PM20D1: variants seen among roughly 807,000 people sequenced by gnomAD.
PM20D1 encodes peptidase M20 domain containing 1.
PM20D1 carries 53 observed loss-of-function variants against 53.8 expected under a neutral mutation model. The observed-to-expected ratio is 0.98, with a 90% CI of 0.79 to 1.24. PM20D1 has a LOEUF of 1.24. Ranked by LOEUF, PM20D1 falls within the 50% of genes most tolerant of loss-of-function variation. The probability of loss-of-function intolerance (pLI) is 0.00; values close to 1 mark genes in which losing one functional copy is unlikely to be tolerated. For synonymous variants in PM20D1, 239 were observed against 241.3 expected, an observed-to-expected ratio of 0.99 and a Z score of 0.09; for missense variants, 564 against 616.8, an observed-to-expected ratio of 0.91 and a Z score of 0.91.
chr1:205,831,639 C>T (rs539518789), intron 11 of PM20D1, among the ~76,000 whole-genome samples: 130 of 149,864 alleles, frequency 8.7e-4, no homozygotes, highest in African/African-American at 3.1e-3. Flanking sequence ...TCTCGGCTTA[C>T]TGCAACCTCT....
chr1:205,828,927 A>G (rs920469814), intron 12 of PM20D1, among the ~76,000 whole-genome samples, 184 bp from the exon 13 acceptor site: 1 of 152,232 alleles, frequency 6.6e-6, no homozygotes, highest in African/African-American at 2.4e-5. Flanking sequence ...GTCGTTTCTC[A>G]GGGATCCATC....
Position 205,832,634 on chromosome 1 carries a change from G to A in PM20D1, c.1249C>T (p.Gln417Ter). ...LGYQLLRQTVQSVFPEVNITA... is the reference protein window; with the variant it reads ...LGYQLLRQTV ...ATATTGACTTCCGGGAAGACGGACT[G>A]TACGGTCTGGCGGAGCAGCTGGTAG... The change falls in exon 11 of 13, where the codon CAG becomes TAG. Residue 417 changes from glutamine to a stop codon, truncating the protein, a stop_gained. Transcript: ENST00000367136. LOFTEE classifies it high-confidence loss of function. 1.2e-6 allele frequency: 2 copies of A among 1,614,172 alleles called. No individual in the cohort carries two copies. Among genetic ancestry groups the A allele is most frequent in the South Asian group, 1.1e-5 (1 of 91,084 alleles).
intron 11 of PM20D1, 30 bp from the exon 12 acceptor site, chr1:205,830,409 C>A (rs762217510): frequency 6.6e-7 from 1 of 1,503,876 alleles, no homozygotes; most frequent in Non-Finnish European, 9.3e-7. Flanking sequence ...AGGAAAGGGG[C>A]TTTACATGAG....
In PM20D1 at chr1:205,849,982, C is replaced by G. The variant is rs142439282; in HGVS notation, c.91G>C (p.Gly31Arg). ...ATTCGCGACGCCCTTTGATGCTCCC[C>G]GCTCCTCGGGCCCATCGATCTGGAG... ...TVSRSMGPRS[G>R]EHQRASRIPS... Residue 31 changes from glycine (G) to arginine (R), a missense_variant, in exon 1 of 13, where the codon GGG becomes CGG. Coordinates refer to ENST00000367136, the MANE Select transcript of PM20D1 (RefSeq NM_152491.5). 4.8e-4 allele frequency: 778 copies of G among 1,614,132 alleles called. 18 individuals carry two copies. The South Asian group carries it at 6.9e-3, about 14-fold the overall frequency.
intron 12 of PM20D1, among the ~76,000 whole-genome samples, chr1:205,829,630 A>G (rs911753393): frequency 6.6e-6 from 1 of 152,226 alleles, no homozygotes; most frequent in Non-Finnish European, 1.5e-5. Context: ...TTTAAAAAAC[A>G]AAAACATGAA....
chr1:205,847,962 T>C lies in PM20D1; in HGVS notation c.179A>G (p.Gln60Arg). Residue 60 changes from glutamine (Q) to arginine (R), a missense_variant, in exon 2 of 13, where the codon CAG becomes CGG. Coordinates refer to ENST00000367136, the MANE Select transcript of PM20D1 (RefSeq NM_152491.5). The part of the protein sequence containing the change: ...AMKEALKGAI[Q>R]IPTVTFSSEK... Reference sequence around the variant, plus strand: ...AGAGCTAAAAGTCACTGTTGGAATCTGGATGGCACCTGTCAGAGTCAAATA... The same window carrying C: ...AGAGCTAAAAGTCACTGTTGGAATCCGGATGGCACCTGTCAGAGTCAAATA... The C allele has an allele frequency of 6.2e-7, 1 of 1,601,960 alleles. No homozygotes were observed. Among genetic ancestry groups the C allele is most frequent in the Non-Finnish European group, 8.5e-7 (1 of 1,173,514 alleles).
chr1:205,830,039 A>T (rs771630746), intron 12 of PM20D1: 2 of 411,268 alleles, frequency 4.9e-6, no homozygotes, highest in African/African-American at 4.0e-5. Context: ...GTTCTCCCCA[A>T]TCACCCAATT....
chr1:205,832,693 AG>A lies in PM20D1; in HGVS notation c.1189del (p.Leu397SerfsTer83). 6.2e-7 allele frequency: 1 copy of A among 1,614,004 alleles called. No homozygotes were observed. Among genetic ancestry groups the A allele is most frequent in the South Asian group, 1.1e-5 (1 of 91,062 alleles). Reference sequence around the variant, plus strand: ...CTTGTCATCAGAAGGGCTGACGGGGAGGGGGTCAAAGGCACTCAACACATGG... The same window carrying A: ...CTTGTCATCAGAAGGGCTGACGGGGAGGGGTCAAAGGCACTCAACACATGG... Reference protein sequence around the residue: ...QFHVLSAFDPLPVSPSDDKAL... With the variant: ...QFHVLSAFDPXPVSPSDDKAL... On this transcript the variant is annotated frameshift_variant, in exon 11 of 13. Coordinates refer to ENST00000367136, the MANE Select transcript of PM20D1 (RefSeq NM_152491.5). LOFTEE classifies it high-confidence loss of function.
chr1:205,844,048 G>T, intron 5 of PM20D1, 39 bp downstream of exon 5: 2 of 1,578,766 alleles, frequency 1.3e-6, no homozygotes, highest in Non-Finnish European at 1.7e-6. Flanking sequence ...AATGGGGTGA[G>T]AATTCCCTCC....
chr1:205,841,955 A>AAG, intron 8 of PM20D1, 66 bp from the exon 9 acceptor site: 1 of 1,425,134 alleles, frequency 7.0e-7, no homozygotes, highest in African/African-American at 1.4e-5. Context: ...GGGCGGAAAC[A>AAG]TTACCCACTT....
chr1:205,845,526 G>A lies in PM20D1; in HGVS notation c.288C>T (p.Ile96=), dbSNP rs753258276. 8 of 1,614,102 alleles carry A rather than the reference G, an allele frequency of 5.0e-6. No homozygotes were observed. The African/African-American group carries it at 1.1e-4, about 22-fold the overall frequency. The part of the protein sequence containing the change: ...VFPTVVSTSF[I]QHEVVEEYSH... ...TATACTCTTCCACGACTTCATGCTGGATAAAGCTGGTGCTGACCACTGTAG... is the reference window on the plus strand; with the variant it reads ...TATACTCTTCCACGACTTCATGCTGAATAAAGCTGGTGCTGACCACTGTAG... Residue 96 remains isoleucine (I), a synonymous_variant, in exon 3 of 13, where the codon ATC becomes ATT. Transcript: ENST00000367136.
At chr1:205,840,413 G>C in intron 9 of PM20D1, 90 bp from the exon 10 acceptor site, 1 of 1,213,612 alleles carries the variant, frequency 8.2e-7, no homozygotes, top group Non-Finnish European at 1.2e-6. Flanking sequence ...CTCAGCTCAG[G>C]CAGAGTTGGC....
chr1:205,833,318 G>C (rs927212091), intron 10 of PM20D1, among the ~76,000 whole-genome samples: 1 of 152,218 alleles, frequency 6.6e-6, no homozygotes, highest in Non-Finnish European at 1.5e-5. Context: ...AAGTGTCGAA[G>C]ACACAGCAGA....
intron 10 of PM20D1, among the ~76,000 whole-genome samples, chr1:205,839,486 A>G (rs1656754763): frequency 6.6e-6 from 1 of 152,030 alleles, no homozygotes; most frequent in Admixed American, 6.5e-5. Flanking sequence ...CTCAATTTTC[A>G]CCAGTTAAAT....
intron 4 of PM20D1, 65 bp downstream of exon 4, chr1:205,844,746 G>C: frequency 2.0e-6 from 3 of 1,489,144 alleles, no homozygotes; most frequent in Non-Finnish European, 2.8e-6. Flanking sequence ...CTGGACTAGG[G>C]TTAAGCACCC....
Position 205,849,946 on chromosome 1 carries a change from A to C in PM20D1, c.127T>G (p.Phe43Val), listed in dbSNP as rs1409078490. The C allele has an allele frequency of 1.2e-6, 2 of 1,614,028 alleles. No individual in the cohort carries two copies. The highest frequency in any genetic ancestry group is 3.3e-5 in the Admixed American group (2 of 60,028). ...HQRASRIPSQ[F>V]SKEERVAMKE... ...ATCGCGACGCGTTCCTCTTTGCTGA[A>C]CTGAGAAGGGATTCGCGACGCCCTT... Residue 43 changes from phenylalanine to valine, a missense_variant, in exon 1 of 13, where the codon TTC (phenylalanine) becomes GTC (valine). Transcript: ENST00000367136.
intron 5 of PM20D1, 149 bp from the exon 6 acceptor site, chr1:205,843,935 G>A: frequency 1.4e-6 from 2 of 1,466,932 alleles, no homozygotes; most frequent in Non-Finnish European, 1.8e-6. Context: ...AAGAATGGAA[G>A]GGGAAGCCTA....
rs945572384 is a variant in PM20D1, at chr1:205,845,558, C to T, written c.257-1G>A. 2 of 1,609,990 alleles carry T rather than the reference C, an allele frequency of 1.2e-6. No homozygotes were observed. Among genetic ancestry groups the T allele is most frequent in the Admixed American group, 1.7e-5 (1 of 59,380 alleles). On this transcript the variant is annotated splice_acceptor_variant, in intron 2 of 12. Transcript: ENST00000367136. LOFTEE classifies it high-confidence loss of function. ...CTGGTGCTGACCACTGTAGGAAAGA[C>T]TAGAAGCAAAAAGGGCAGGAAGAGA...
intron 4 of PM20D1, 45 bp from the exon 5 acceptor site, chr1:205,844,262 C>T (rs752786255): frequency 6.5e-7 from 1 of 1,534,674 alleles, no homozygotes; most frequent in African/African-American, 1.4e-5. Context: ...CAGCCAGAGA[C>T]AGACCTCCAG....
Sources: gnomAD v4.1 joint callset for allele counts (sites outside exome capture counted in the v4.1 genomes callset) on GRCh38, gnomAD v4.1.1 for gene constraint, MANE v1.5 for transcripts, NCBI Gene and HGNC (gene_info 2026-07-23, HGNC 2026-07-21) for gene names.